CNTLN: variants seen among roughly 807,000 people sequenced by gnomAD.
CNTLN encodes centlein.
A neutral mutation model predicts 180.0 loss-of-function variants in CNTLN; 212 were observed. The observed-to-expected ratio is 1.18, with a 90% CI of 1.05 to 1.32. The LOEUF (loss-of-function observed/expected upper bound fraction) is 1.32, where lower values mean the gene tolerates loss of function less well. Among genes scored for constraint, CNTLN ranks in the 40% most tolerant of loss-of-function variants. CNTLN has a pLI of 0.00. For missense variants in CNTLN, 2,095 were observed against 1,610.9 expected (o/e 1.30, Z -5.14); for synonymous variants, 722 against 563.1 (o/e 1.28, Z -3.99).
At chr9:17,384,425 C>T (rs1825529113) in intron 13 of CNTLN, among the ~76,000 whole-genome samples, 1 of 152,040 alleles carries the variant, frequency 6.6e-6, no homozygotes, top group African/African-American at 2.4e-5. Flanking sequence ...TTTGAATTTT[C>T]ACTGATTGAA....
At chr9:17,400,388 C>T (rs1826878196) in intron 15 of CNTLN, among the ~76,000 whole-genome samples, 1 of 152,154 alleles carries the variant, frequency 6.6e-6, no homozygotes, top group Non-Finnish European at 1.5e-5. Context: ...CTGCCTGCCT[C>T]GGCCTCCCAA....
intron 1 of CNTLN, among the ~76,000 whole-genome samples, chr9:17,140,046 AG>A (rs1230154074): frequency 6.6e-6 from 1 of 152,220 alleles, no homozygotes; most frequent in Non-Finnish European, 1.5e-5. Context: ...GCCTGAAGGA[AG>A]GGAAAATATA....
chr9:17,304,257 G>C (rs1034605972), intron 7 of CNTLN, among the ~76,000 whole-genome samples: 1 of 152,086 alleles, frequency 6.6e-6, no homozygotes, highest in Non-Finnish European at 1.5e-5. Flanking sequence ...AGTGTGGAAG[G>C]CTTTTCTAGG....
At chr9:17,445,523 G>T (rs1830355570) in intron 18 of CNTLN, among the ~76,000 whole-genome samples, 2 of 152,164 alleles carry the variant, frequency 1.3e-5, no homozygotes, top group Non-Finnish European at 2.9e-5. Context: ...AACATGTGCT[G>T]TGTCAACTCA....
intron 6 of CNTLN, among the ~76,000 whole-genome samples, chr9:17,278,661 T>C (rs1055287671): frequency 3.4e-4 from 52 of 152,336 alleles, no homozygotes; most frequent in Admixed American, 9.2e-4. Flanking sequence ...TAAGTTGTTT[T>C]GTTTTTACTG....
Position 17,409,413 on chromosome 9 carries a change from C to G in CNTLN, c.2736C>G (p.Ser912Arg). The G allele has an allele frequency of 6.2e-7, 1 of 1,612,796 alleles. No homozygotes were observed. The highest frequency in any genetic ancestry group is 8.5e-7 in the Non-Finnish European group (1 of 1,179,412). ...AAGAAAGTGATCCAACAGAAGACAG[C>G]CAAACACAAGGAAAAGAAATAGTAC... ...DQKESDPTED[S>R]QTQGKEIVQT... Residue 912 changes from serine to arginine, a missense_variant, in exon 16 of 26, where the codon AGC becomes AGG. Physicochemically the swap from Ser to Arg is moderately radical, Grantham distance 110. Transcript: ENST00000380647.
chr9:17,289,206 G>C (rs1829198538), intron 6 of CNTLN, among the ~76,000 whole-genome samples: 1 of 114,250 alleles, frequency 8.8e-6, no homozygotes, highest in Non-Finnish European at 1.7e-5. Flanking sequence ...CAGGCCTAGT[G>C]GTGACAAAAT....
chr9:17,370,189 A>G (rs923752045), intron 13 of CNTLN, among the ~76,000 whole-genome samples: 3 of 152,188 alleles, frequency 2.0e-5, no homozygotes, highest in South Asian at 2.1e-4. Flanking sequence ...AAAGATAACA[A>G]TATTCAACTA....
chr9:17,474,151 A>G (rs1016558320), intron 23 of CNTLN, among the ~76,000 whole-genome samples: 2 of 152,096 alleles, frequency 1.3e-5, no homozygotes, highest in Non-Finnish European at 2.9e-5. Context: ...ATGACTCCCT[A>G]ATATATATCT....
At chr9:17,485,350 T>G (rs1259319491) in intron 24 of CNTLN, among the ~76,000 whole-genome samples, 1 of 152,088 alleles carries the variant, frequency 6.6e-6, no homozygotes, top group Non-Finnish European at 1.5e-5. Flanking sequence ...ATGTAAAGAT[T>G]TTTGAACTAC....
chr9:17,214,657 C>G (rs1823598728), intron 2 of CNTLN, among the ~76,000 whole-genome samples: 1 of 152,210 alleles, frequency 6.6e-6, no homozygotes, highest in Non-Finnish European at 1.5e-5. Flanking sequence ...TGTTTTCCAT[C>G]TTGGTTCCAT....
At chr9:17,155,879 G>T (rs967611174) in intron 2 of CNTLN, among the ~76,000 whole-genome samples, 1 of 152,178 alleles carries the variant, frequency 6.6e-6, no homozygotes, top group Non-Finnish European at 1.5e-5. Flanking sequence ...GTAGGCACTG[G>T]AGGGAATCTC....
At chr9:17,517,233 A>G in the CNTLN span, among the ~76,000 whole-genome samples, 3 of 151,970 alleles carry the variant, frequency 2.0e-5, no homozygotes, top group East Asian at 3.9e-4. Flanking sequence ...TACTAAAAAT[A>G]CAAAAAAAAA....
chr9:17,312,365 T>TAATATATATATATATATA (rs1563984868), intron 8 of CNTLN, among the ~76,000 whole-genome samples: 98 of 7,200 alleles, frequency 0.014, no homozygotes, highest in Middle Eastern at 0.062. Context: ...ATATATATAT[T>TAATATATATATATATATA]ATATATATAT....
intron 2 of CNTLN, among the ~76,000 whole-genome samples, chr9:17,210,934 C>A (rs1388194719): frequency 6.6e-6 from 1 of 152,024 alleles, no homozygotes; most frequent in Non-Finnish European, 1.5e-5. Context: ...TGTTTGAGTT[C>A]ATTGTAGATT....
intron 23 of CNTLN, among the ~76,000 whole-genome samples, chr9:17,475,292 G>A (rs1179607174): frequency 2.0e-5 from 3 of 152,170 alleles, no homozygotes; most frequent in South Asian, 4.2e-4. Flanking sequence ...TGGGGGTAAT[G>A]GGTTGGTTGG....
At chr9:17,283,100 C>T (rs1554676872) in intron 6 of CNTLN, among the ~76,000 whole-genome samples, 1 of 152,004 alleles carries the variant, frequency 6.6e-6, no homozygotes. Flanking sequence ...TTAATTTTAA[C>T]GTAGTTTTTT....
chr9:17,500,959 A>C (rs1033681656), intron 25 of CNTLN, among the ~76,000 whole-genome samples: 45 of 152,192 alleles, frequency 3.0e-4, no homozygotes, highest in African/African-American at 1.1e-3. Context: ...GTCAAAATTA[A>C]AGCGTACTGC....
chr9:17,225,092 C>T (rs1275754170), intron 2 of CNTLN, among the ~76,000 whole-genome samples: 1 of 151,884 alleles, frequency 6.6e-6, no homozygotes, highest in African/African-American at 2.4e-5. Context: ...TACACCTAGC[C>T]TCAGTTGCAG....
Sources: allele counts gnomAD v4.1 joint callset (sites outside exome capture counted in the v4.1 genomes callset), GRCh38; gene constraint gnomAD v4.1.1; transcripts MANE v1.5; gene names NCBI Gene and HGNC (gene_info 2026-07-23, HGNC 2026-07-21).